AARD: variants seen among roughly 807,000 people sequenced by gnomAD.
The protein encoded by AARD is alanine- and arginine-rich domain-containing protein.
AARD carries 9 observed loss-of-function variants against 9.3 expected under a neutral mutation model. That is an observed-to-expected ratio of 0.97 (90% CI 0.58 to 1.69). The LOEUF (loss-of-function observed/expected upper bound fraction) is 1.69, where lower values mean the gene tolerates loss of function less well. Among genes scored for constraint, AARD ranks in the 40% most tolerant of loss-of-function variants. The pLI is 0.00. For synonymous variants in AARD, 91 were observed against 93.8 expected, an observed-to-expected ratio of 0.97 and a Z score of 0.17; for missense variants, 236 against 210.3, an observed-to-expected ratio of 1.12 and a Z score of -0.76.
At chr8:116,939,192 C>A (rs1416326556) in intron 1 of AARD, among the ~76,000 whole-genome samples, 1 of 152,056 alleles carries the variant, frequency 6.6e-6, no homozygotes, top group African/African-American at 2.4e-5. Flanking sequence ...AATGGTGCTG[C>A]CTAGGAAAGT....
At position 116,938,387 on chromosome 8, in the gene AARD, G is replaced by A; in HGVS notation, c.144G>A (p.Glu48=). 1 of 1,612,482 alleles carries A rather than the reference G, an allele frequency of 6.2e-7. No homozygotes were observed. Among genetic ancestry groups the A allele is most frequent in the Non-Finnish European group, 8.5e-7 (1 of 1,179,828 alleles). ...GCAGGAGCACGGACATCCAGGAGGA[G>A]GCCCTCGCCGCCAGCCCGCTGCTGG... ...GDGRSTDIQE[E]ALAASPLLED... Residue 48 remains glutamate, a synonymous_variant, in exon 1 of 2, where the codon GAG becomes GAA. Transcript: ENST00000378279.
At chr8:116,938,709 TC>T in intron 1 of AARD, 142 bp downstream of exon 1, 2 of 1,180,470 alleles carry the variant, frequency 1.7e-6, no homozygotes, top group Non-Finnish European at 2.2e-6. Flanking sequence ...CGCCCCCGCC[TC>T]CCCAGCATCG....
At chr8:116,940,776 G>A (rs915735452) in intron 1 of AARD, among the ~76,000 whole-genome samples, 7 of 152,142 alleles carry the variant, frequency 4.6e-5, no homozygotes, top group African/African-American at 1.7e-4. Context: ...GTCTGTGAGT[G>A]CATCTCAGGG....
At chr8:116,942,367 T>G (rs1171976370) in intron 1 of AARD, among the ~76,000 whole-genome samples, 191 bp from the exon 2 acceptor site, 2 of 152,212 alleles carry the variant, frequency 1.3e-5, no homozygotes, top group East Asian at 3.8e-4. Context: ...GATTTTACCT[T>G]GTCATATAGA....
intron 1 of AARD, 89 bp downstream of exon 1, chr8:116,938,656 C>T (rs2130549609): frequency 7.3e-7 from 1 of 1,372,210 alleles, no homozygotes. Context: ...GCGTAGCCCA[C>T]CCGACGCCTT....
chr8:116,942,531 A>C, intron 1 of AARD, 27 bp from the exon 2 acceptor site: 6 of 1,579,428 alleles, frequency 3.8e-6, no homozygotes, highest in Non-Finnish European at 4.3e-6. Context: ...CAGGCTAATA[A>C]AATTTTTATT....
Position 116,942,635 on chromosome 8 carries a change from G to A in AARD, c.402G>A (p.Lys134=), listed in dbSNP as rs1189028493. 4.3e-6 allele frequency: 7 copies of A among 1,613,826 alleles called. No individual in the cohort carries two copies. The highest frequency in any genetic ancestry group is 3.3e-5 in the Admixed American group (2 of 59,984). ...ACATGAAAGTGCAGCAATTGAAAAA[G>A]GAGTATGAACTGGAAATTACATCAG... ...DLNMKVQQLK[K]EYELEITSDS... is the part of the protein sequence containing the mutation. Residue 134 remains lysine (K), a synonymous_variant, in exon 2 of 2, where the codon AAG becomes AAA. Coordinates refer to ENST00000378279, the MANE Select transcript of AARD (RefSeq NM_001025357.3).
Position 116,942,825 on chromosome 8 carries a change from C to G in AARD, c.*124C>G. The G allele has an allele frequency of 1.0e-5, 9 of 899,710 alleles. No individual in the cohort carries two copies. Among genetic ancestry groups the G allele is most frequent in the Non-Finnish European group, 1.4e-5 (9 of 627,976 alleles). The allele number at this position is 899,710 out of a possible 1,614,324, so 55.7% of individuals were successfully genotyped here. A position where few individuals can be genotyped will look rare whatever the true frequency, so the allele number is the denominator to read the frequency against. On this transcript the variant is annotated 3_prime_UTR_variant, in exon 2 of 2. Transcript: ENST00000378279. ...ACCATCCTGGCTAACACTGTGAAAC[C>G]CTGCCTCTACTAAAAATACAAAAAA...
chr8:116,939,146 A>G (rs969862541), intron 1 of AARD, among the ~76,000 whole-genome samples: 2 of 152,150 alleles, frequency 1.3e-5, no homozygotes, highest in African/African-American at 4.8e-5. Flanking sequence ...TCACAACTTG[A>G]AAAGGACACA....
chr8:116,938,471 G>C lies in AARD; in HGVS notation c.228G>C (p.Ser76=), dbSNP rs764630998. 6.0e-5 allele frequency: 96 copies of C among 1,587,326 alleles called. No individual in the cohort carries two copies. The highest frequency in any genetic ancestry group is 6.0e-6 in the Non-Finnish European group (7 of 1,168,490). Residue 76 remains serine, a synonymous_variant, in exon 1 of 2, where the codon TCG becomes TCC. Coordinates refer to ENST00000378279, the MANE Select transcript of AARD (RefSeq NM_001025357.3). The part of the protein sequence containing the change: ...AFQWAVQRAI[S]RRVQEAAAAA... ...AGTGGGCGGTGCAGCGCGCGATCTC[G>C]AGGCGCGTGCAGGAGGCGGCGGCGG...
rs749060784 is a variant in AARD at position 116,938,342 on chromosome 8, G to T, written c.99G>T (p.Ala33=). 6.8e-6 allele frequency: 11 copies of T among 1,612,998 alleles called. No individual in the cohort carries two copies. The East Asian group carries it at 2.0e-4, about 29-fold the overall frequency. ...RAELWFPPRP[A]CDFFGDGRST... The stretch of plus-strand genomic sequence containing the variant: ...AGCTTTGGTTCCCACCTCGTCCCGC[G>T]TGCGACTTCTTCGGGGACGGCAGGA... The change falls in exon 1 of 2, where the codon GCG becomes GCT. Residue 33 remains alanine (A), a synonymous_variant. Coordinates refer to ENST00000378279, the MANE Select transcript of AARD (RefSeq NM_001025357.3).
chr8:116,938,509 G>T lies in AARD; in HGVS notation c.266G>T (p.Arg89Leu), dbSNP rs1180478416. The T allele has an allele frequency of 6.6e-7, 1 of 1,523,578 alleles. No individual in the cohort carries two copies. The highest frequency in any genetic ancestry group is 8.8e-7 in the Non-Finnish European group (1 of 1,141,384). 94.4% of individuals were successfully genotyped at this position (1,523,578 alleles called of 1,614,324 possible). The change falls in exon 1 of 2, where the codon CGG (arginine) becomes CTG (leucine). Residue 89 changes from arginine (R) to leucine (L), a missense_variant. Transcript: ENST00000378279. ...GAGGCGGCGGCGGCGGCGGCGGCGC[G>T]GGAGGAGCAGAGCTGGACGGGCGTT... The part of the protein sequence containing the change: ...VQEAAAAAAA[R>L]EEQSWTGVEA...
chr8:116,942,671 C>A lies in AARD; in HGVS notation c.438C>A (p.Ser146Arg). ...YELEITSDSQ[S>R]PKDDAANPE ...TGGAAATTACATCAGACTCCCAAAG[C>A]CCAAAAGATGATGCTGCGAATCCGG... is the stretch of plus-strand genomic sequence containing the variant. Residue 146 changes from serine (S) to arginine (R), a missense_variant, in exon 2 of 2, where the codon AGC becomes AGA. Physicochemically the swap from Ser to Arg is moderately radical, Grantham distance 110. Transcript: ENST00000378279. The A allele has an allele frequency of 6.2e-7, 1 of 1,613,794 alleles. No homozygotes were observed. Among genetic ancestry groups the A allele is most frequent in the East Asian group, 2.2e-5 (1 of 44,886 alleles).
rs1813746135 is a variant in AARD at position 116,941,618 on chromosome 8, T to C, written c.325-940T>C. 2.0e-5 allele frequency among the ~76,000 whole-genome samples: 3 copies of C among 152,216 alleles called. No individual in the cohort carries two copies. The South Asian group carries it at 6.2e-4, about 31-fold the overall frequency. ...ATTCTTGCTGTCAGAAAAATGATTCTAGGTGCTTCAGAATGGAGAGGAATG... is the reference window on the plus strand; with the variant it reads ...ATTCTTGCTGTCAGAAAAATGATTCCAGGTGCTTCAGAATGGAGAGGAATG... On this transcript the variant is annotated intron_variant, in intron 1 of 1. Coordinates refer to ENST00000378279, the MANE Select transcript of AARD (RefSeq NM_001025357.3).
At position 116,942,732 on chromosome 8, in the gene AARD, GGCT is replaced by G. The variant is rs1214255492; in HGVS notation, c.*32_*34del. ...TGCACACGCAAGGGCTGGGCGCGGT[GGCT>G]CACGCCTGTAATCCCAGCACTTTGG... On this transcript the variant is annotated 3_prime_UTR_variant, in exon 2 of 2. Coordinates refer to ENST00000378279, the MANE Select transcript of AARD (RefSeq NM_001025357.3). 3.7e-6 allele frequency: 6 copies of G among 1,603,516 alleles called. No homozygotes were observed. The highest frequency in any genetic ancestry group is 5.1e-6 in the Non-Finnish European group (6 of 1,174,870).
At chr8:116,939,084 G>A (rs1394682987) in intron 1 of AARD, among the ~76,000 whole-genome samples, 2 of 152,078 alleles carry the variant, frequency 1.3e-5, no homozygotes, top group Non-Finnish European at 2.9e-5. Flanking sequence ...AGGGTGTATA[G>A]GTAAATATTT....
rs1402714776 is a variant in AARD, at chr8:116,943,972, A to T, written c.*1271A>T. The stretch of plus-strand genomic sequence containing the variant: ...TGCTGTCTTTTTAATGCAAACAGTA[A>T]AGTTAATAAAAAATAGTTGCAGATC... On this transcript the variant is annotated 3_prime_UTR_variant, in exon 2 of 2. Transcript: ENST00000378279. 1 of 152,224 alleles carries T rather than the reference A, an allele frequency of 6.6e-6. No individual in the cohort carries two copies. The highest frequency in any genetic ancestry group is 1.5e-5 in the Non-Finnish European group (1 of 68,044). The allele number at this position is 152,224 out of a possible 1,614,324, so 9.4% of individuals were successfully genotyped here. A position where few individuals can be genotyped will look rare whatever the true frequency, so the allele number is the denominator to read the frequency against.
chr8:116,941,061 C>T (rs1316659854), intron 1 of AARD, among the ~76,000 whole-genome samples: 1 of 152,130 alleles, frequency 6.6e-6, no homozygotes, highest in Non-Finnish European at 1.5e-5. Flanking sequence ...AATTCACTCA[C>T]TCTTATAACA....
rs1382699263 is a variant in AARD at position 116,943,717 on chromosome 8, C to T, written c.*1016C>T. 6.6e-6 allele frequency: 1 copy of T among 152,034 alleles called. No homozygotes were observed. The highest frequency in any genetic ancestry group is 1.5e-5 in the Non-Finnish European group (1 of 67,998). 9.4% of individuals were successfully genotyped at this position (152,034 alleles called of 1,614,324 possible). A position where few individuals can be genotyped will look rare whatever the true frequency, so the allele number is the denominator to read the frequency against. On this transcript the variant is annotated 3_prime_UTR_variant, in exon 2 of 2. Coordinates refer to ENST00000378279, the MANE Select transcript of AARD (RefSeq NM_001025357.3). The stretch of plus-strand genomic sequence containing the variant: ...AAAGGGGAGGGAGGGAGGGAGGGTG[C>T]TTCGCTTCCTTGTTCCTGGGGTCAA...
Sources: allele counts gnomAD v4.1 joint callset (sites outside exome capture counted in the v4.1 genomes callset), GRCh38; gene constraint gnomAD v4.1.1; transcripts MANE v1.5; gene names NCBI Gene and HGNC (gene_info 2026-07-23, HGNC 2026-07-21).